TNPO1: variants seen among roughly 807,000 people sequenced by gnomAD.
The protein encoded by TNPO1 is transportin-1.
A neutral mutation model predicts 119.5 loss-of-function variants in TNPO1; 8 were observed. The observed-to-expected ratio is 0.07, with a 90% CI of 0.04 to 0.12. The LOEUF is 0.12. TNPO1 is among the 10% of genes least tolerant of loss of function. The pLI is 1.00. For missense variants in TNPO1, 576 were observed against 1,089.8 expected, an observed-to-expected ratio of 0.53 and a Z score of 6.64; for synonymous variants, 362 against 363.0, an observed-to-expected ratio of 1.00 and a Z score of 0.03.
rs548697232 is a variant in TNPO1 at position 72,830,235 on chromosome 5, C to T, written c.15+13483C>T. ...CTAGAGACTTTTGTTAGGTACGTGG[C>T]AGGCAATTTTTATTTGTAAAGCAGA... On this transcript the variant is annotated intron_variant, in intron 1 of 24. Transcript: ENST00000337273. 6.0e-3 allele frequency among the ~76,000 whole-genome samples: 909 copies of T among 152,204 alleles called. 6 individuals carry two copies. Among genetic ancestry groups the T allele is most frequent in the African/African-American group, 0.021 (889 of 41,526 alleles).
At position 72,889,778 on chromosome 5, in the gene TNPO1, TTA is replaced by T. The variant is rs1491349493; in HGVS notation, c.1530-7_1530-6del. 1.9e-6 allele frequency: 3 copies of T among 1,565,874 alleles called. No individual in the cohort carries two copies. The East Asian group carries it at 6.8e-5, about 35-fold the overall frequency. ...CAATAAGTATTCTTTTTTTTTTTTT[TTA>T]AACAGTGCCTTTGCTACCCTAGAAG... is the stretch of plus-strand genomic sequence containing the variant. On this transcript the variant is annotated splice_polypyrimidine_tract_variant and splice_region_variant and intron_variant, in intron 13 of 24. Transcript: ENST00000337273.
intron 4 of TNPO1, among the ~76,000 whole-genome samples, chr5:72,861,493 C>T (rs1180777536): frequency 6.6e-6 from 1 of 152,090 alleles, no homozygotes; most frequent in Middle Eastern, 3.2e-3. Flanking sequence ...CCTCGACCTC[C>T]TTGACTCAGG....
chr5:72,879,164 T>C (rs998296147), intron 9 of TNPO1: 7 of 204,006 alleles, frequency 3.4e-5, no homozygotes, highest in African/African-American at 1.4e-4. Context: ...GAAAAGGCCT[T>C]GGGCCACAGC....
chr5:72,875,793 G>C lies in TNPO1; in HGVS notation c.801+56G>C. The C allele has an allele frequency of 7.7e-6, 12 of 1,552,114 alleles. No homozygotes were observed. The South Asian group carries it at 1.3e-4, about 17-fold the overall frequency. ...CATCTTTCCCCTAAGAGAAATACTA[G>C]ATAGAAAATACAACATACCGGATGG... On this transcript the variant is annotated intron_variant, in intron 8 of 24. Transcript: ENST00000337273.
At chr5:72,840,357 T>G (rs1744854875) in intron 1 of TNPO1, among the ~76,000 whole-genome samples, 1 of 152,088 alleles carries the variant, frequency 6.6e-6, no homozygotes, top group Non-Finnish European at 1.5e-5. Context: ...TAGTACATAT[T>G]CATGGAATTA....
chr5:72,882,474 C>A lies in TNPO1; in HGVS notation c.928C>A (p.Pro310Thr). 1 of 1,606,168 alleles carries A rather than the reference C, an allele frequency of 6.2e-7. No individual in the cohort carries two copies. The highest frequency in any genetic ancestry group is 8.5e-7 in the Non-Finnish European group (1 of 1,175,990). ...GAATTTCTTTCTTTATAGGTTGATT[C>A]CTGTGTTAGTGAATGGCATGAAGTA... ...VLVRHLPKLI[P>T]VLVNGMKYSD... Residue 310 changes from proline (P) to threonine (T), a missense_variant, in exon 10 of 25, where the codon CCT (proline) becomes ACT (threonine). Pro to Thr is a conservative substitution (Grantham distance 38, BLOSUM62 -1). Around this residue, in one of 6 missense-constraint regions of TNPO1, gnomAD observed 310 missense variants for 583.0 expected, o/e 0.53. Coordinates refer to ENST00000337273, the MANE Select transcript of TNPO1 (RefSeq NM_002270.4).
At chr5:72,866,590 C>CA (rs1176832865) in intron 6 of TNPO1, among the ~76,000 whole-genome samples, 3 of 151,844 alleles carry the variant, frequency 2.0e-5, no homozygotes, top group Admixed American at 6.6e-5. Context: ...CCCATCTGTA[C>CA]AAAAAATATA....
chr5:72,817,956 G>A (rs1368587367), intron 1 of TNPO1, among the ~76,000 whole-genome samples: 5 of 152,192 alleles, frequency 3.3e-5, no homozygotes, highest in African/African-American at 9.7e-5. Flanking sequence ...ACCTTACCTG[G>A]CACCGTAGTT....
chr5:72,838,786 T>C (rs1398153351), intron 1 of TNPO1, among the ~76,000 whole-genome samples: 1 of 152,190 alleles, frequency 6.6e-6, no homozygotes, highest in Non-Finnish European at 1.5e-5. Context: ...TTTGGAGTAG[T>C]AGAAACATTC....
intron 23 of TNPO1, among the ~76,000 whole-genome samples, 164 bp downstream of exon 23, chr5:72,903,947 T>C (rs1185580498): frequency 1.3e-5 from 2 of 152,238 alleles, no homozygotes; most frequent in Non-Finnish European, 2.9e-5. Context: ...GCTTGATCTT[T>C]TCTTAAAATA....
rs75876802 is a variant in TNPO1 at position 72,830,029 on chromosome 5, A to T, written c.15+13277A>T. On this transcript the variant is annotated intron_variant, in intron 1 of 24. Transcript: ENST00000337273. ...TTGTGAAGGTAGGAGATTTTCCTGG[A>T]GTCTGATTTTAGCATAGATAATAAG... 5.9e-3 allele frequency among the ~76,000 whole-genome samples: 903 copies of T among 152,266 alleles called. 6 individuals carry two copies. The highest frequency in any genetic ancestry group is 0.021 in the African/African-American group (883 of 41,532).
Position 72,885,110 on chromosome 5 carries a change from A to C in TNPO1, c.1150+1878A>C, listed in dbSNP as rs147433625. On this transcript the variant is annotated intron_variant, in intron 11 of 24. Coordinates refer to ENST00000337273, the MANE Select transcript of TNPO1 (RefSeq NM_002270.4). ...TAGAGTGCCTAATGTGCCAGGCACT[A>C]GGCCAAGGACTTTGCATGCATATCA... is the stretch of plus-strand genomic sequence containing the variant. 2.4e-3 allele frequency among the ~76,000 whole-genome samples: 369 copies of C among 152,390 alleles called. 9 individuals carry two copies. Among genetic ancestry groups the C allele is most frequent in the Admixed American group, 0.023 (346 of 15,308 alleles).
chr5:72,884,473 A>G (rs576604392), intron 11 of TNPO1, among the ~76,000 whole-genome samples: 1 of 152,304 alleles, frequency 6.6e-6, no homozygotes, highest in African/African-American at 2.4e-5. Flanking sequence ...GTAATTCTAA[A>G]ATAATATAAG....
intron 1 of TNPO1, 165 bp downstream of exon 1, chr5:72,816,917 C>A: frequency 1.2e-6 from 1 of 810,978 alleles, no homozygotes; most frequent in Admixed American, 3.7e-5. Flanking sequence ...CGGTTCTAAC[C>A]CCAACAGCTG....
chr5:72,823,717 A>G (rs912799286), intron 1 of TNPO1, among the ~76,000 whole-genome samples: 1 of 152,170 alleles, frequency 6.6e-6, no homozygotes, highest in African/African-American at 2.4e-5. Flanking sequence ...TTGTTTGGCA[A>G]AACCAGAGCT....
At chr5:72,882,409 TATTA>T (rs940596243) in intron 9 of TNPO1, 54 bp from the exon 10 acceptor site, 5 of 1,315,048 alleles carry the variant, frequency 3.8e-6, no homozygotes, top group South Asian at 1.3e-5. Context: ...GGTTAAGACT[TATTA>T]ATTATTCTCT....
At chr5:72,863,643 C>T (rs1580416427) in intron 5 of TNPO1, among the ~76,000 whole-genome samples, 1 of 151,650 alleles carries the variant, frequency 6.6e-6, no homozygotes, top group Non-Finnish European at 1.5e-5. Context: ...TGCCTGTAAT[C>T]TCAGCTACTC....
At chr5:72,827,155 C>G (rs979169177) in intron 1 of TNPO1, among the ~76,000 whole-genome samples, 9 of 151,812 alleles carry the variant, frequency 5.9e-5, no homozygotes, top group African/African-American at 2.2e-4. Context: ...AGTAAAGGCC[C>G]TTAGGTGGGA....
At chr5:72,821,457 A>T (rs155425) in intron 1 of TNPO1, among the ~76,000 whole-genome samples, 132,657 of 152,242 alleles carry the variant, frequency 0.87, 58,104 homozygotes, top group Middle Eastern at 0.97. Context: ...TTTAAAGATA[A>T]GAATATAAAA....
Sources: allele counts gnomAD v4.1 joint callset (sites outside exome capture counted in the v4.1 genomes callset), GRCh38; gene constraint gnomAD v4.1.1; regional missense constraint gnomAD v4.1.1; transcripts MANE v1.5; gene names NCBI Gene and HGNC (gene_info 2026-07-23, HGNC 2026-07-21).